ZNF536: variants seen among roughly 807,000 people sequenced by gnomAD.
The protein encoded by ZNF536 is zinc finger protein 536.
ZNF536 carries 13 observed loss-of-function variants against 84.5 expected under a neutral mutation model. The ratio of observed to expected loss-of-function variants is 0.15; its 90% CI spans 0.10 to 0.24. The LOEUF is 0.24. ZNF536 is among the 10% of genes least tolerant of loss of function. The pLI is 1.00. For missense variants in ZNF536, 1,536 were observed against 1,747.5 expected (o/e 0.88, Z 2.16); for synonymous variants, 811 against 742.5 (o/e 1.09, Z -1.50).
At chr19:30,683,130 G>A (rs1252768238) in intron 1 of ZNF536, among the ~76,000 whole-genome samples, 4 of 152,038 alleles carry the variant, frequency 2.6e-5, no homozygotes, top group Non-Finnish European at 4.4e-5. Flanking sequence ...CCGTGCCTCC[G>A]GCTGCCCTCT....
At chr19:30,236,530 G>T (rs566773597) in intron 1 of ZNF536, among the ~76,000 whole-genome samples, 1 of 89,490 alleles carries the variant, frequency 1.1e-5, no homozygotes, top group South Asian at 3.4e-4. Flanking sequence ...AAGTTGGGGC[G>T]GGGGGGGGGT....
chr19:30,243,871 G>C (rs779661295), intron 1 of ZNF536, among the ~76,000 whole-genome samples: 10 of 152,182 alleles, frequency 6.6e-5, no homozygotes, highest in Non-Finnish European at 1.5e-4. Flanking sequence ...GCATTGTGTA[G>C]GTTTTTGTCT....
At chr19:30,542,878 C>T (rs1348855447) in intron 3 of ZNF536, among the ~76,000 whole-genome samples, 1 of 152,236 alleles carries the variant, frequency 6.6e-6, no homozygotes, top group Non-Finnish European at 1.5e-5. Context: ...GTGGTGCAAT[C>T]ATAGCTCATT....
chr19:30,654,261 G>A (rs950643137), intron 1 of ZNF536, among the ~76,000 whole-genome samples: 3 of 152,164 alleles, frequency 2.0e-5, no homozygotes, highest in Admixed American at 1.3e-4. Flanking sequence ...AGGTGTGACC[G>A]CCCGGCATAG....
chr19:30,405,314 G>A (rs528605483), intron 1 of ZNF536, among the ~76,000 whole-genome samples: 2 of 152,334 alleles, frequency 1.3e-5, no homozygotes, highest in South Asian at 4.2e-4. Flanking sequence ...TCTGTTTCCT[G>A]AGGCCTAATA....
At chr19:30,666,390 C>T (rs9646646) in intron 1 of ZNF536, among the ~76,000 whole-genome samples, 2,545 of 152,278 alleles carry the variant, frequency 0.017, 30 homozygotes, top group Middle Eastern at 0.041. Context: ...CCTCCCTTTC[C>T]CTGCCTCCTC....
intron 1 of ZNF536, among the ~76,000 whole-genome samples, chr19:30,640,693 A>T (rs552949084): frequency 3.0e-4 from 45 of 152,308 alleles, no homozygotes; most frequent in African/African-American, 1.1e-3. Flanking sequence ...AGGCACAGGC[A>T]CTCCATATCC....
intron 2 of ZNF536, among the ~76,000 whole-genome samples, chr19:30,519,461 G>A (rs1390728144): frequency 1.3e-5 from 2 of 152,216 alleles, no homozygotes; most frequent in South Asian, 2.1e-4. Flanking sequence ...AGGAGAGCCT[G>A]GAGGAGCTGC....
At chr19:30,285,566 G>T (rs993698372) in intron 2 of ZNF536, among the ~76,000 whole-genome samples, 14 of 152,186 alleles carry the variant, frequency 9.2e-5, no homozygotes, top group African/African-American at 3.1e-4. Flanking sequence ...ACCTGCTTCT[G>T]TCTGCCAGTG....
chr19:30,660,275 A>G (rs2050077798), intron 1 of ZNF536, among the ~76,000 whole-genome samples: 1 of 152,164 alleles, frequency 6.6e-6, no homozygotes. Flanking sequence ...TCTCTTTACA[A>G]AAACGACTGA....
intron 1 of ZNF536, among the ~76,000 whole-genome samples, chr19:30,408,472 C>A (rs1473643312): frequency 3.3e-5 from 5 of 152,152 alleles, no homozygotes; most frequent in Non-Finnish European, 5.9e-5. Context: ...CAGGCCACAG[C>A]CTTTTCTCCA....
intron 1 of ZNF536, among the ~76,000 whole-genome samples, chr19:30,698,205 T>A (rs1204620827): frequency 6.6e-6 from 1 of 151,720 alleles, no homozygotes; most frequent in Non-Finnish European, 1.5e-5. Context: ...GTCTGGAGAA[T>A]CACTTGAACC....
chr19:30,622,136 T>G (rs1487920078), intron 1 of ZNF536, among the ~76,000 whole-genome samples: 6 of 152,298 alleles, frequency 3.9e-5, no homozygotes, highest in African/African-American at 1.4e-4. Flanking sequence ...AACTGACCCT[T>G]AGGCAGATGG....
chr19:30,247,250 G>A (rs1401219549), intron 1 of ZNF536, among the ~76,000 whole-genome samples: 1 of 152,246 alleles, frequency 6.6e-6, no homozygotes, highest in African/African-American at 2.4e-5. Context: ...CAGGGTGGAG[G>A]CAGAAATCCC....
chr19:30,527,266 T>C (rs1320687374), intron 2 of ZNF536, among the ~76,000 whole-genome samples: 1 of 146,722 alleles, frequency 6.8e-6, no homozygotes, highest in Non-Finnish European at 1.5e-5. Flanking sequence ...ATTAGCCTTT[T>C]GATGACCTAC....
At chr19:30,460,072 T>TCCC (rs549090354) in intron 2 of ZNF536, among the ~76,000 whole-genome samples, 97 of 152,290 alleles carry the variant, frequency 6.4e-4, no homozygotes, top group African/African-American at 2.1e-3. Context: ...ACACCTCACA[T>TCCC]CCCCATGCCA....
chr19:30,245,280 C>T (rs1011760296), intron 1 of ZNF536, among the ~76,000 whole-genome samples: 2 of 152,178 alleles, frequency 1.3e-5, no homozygotes, highest in Non-Finnish European at 2.9e-5. Context: ...CTGTCTTGTC[C>T]TTTTCTGTTG....
At chr19:30,700,163 T>C (rs1018701193) in intron 1 of ZNF536, among the ~76,000 whole-genome samples, 3 of 147,590 alleles carry the variant, frequency 2.0e-5, no homozygotes, top group African/African-American at 7.5e-5. Context: ...TCCTTCTTTC[T>C]TTTCTTTCCT....
At chr19:30,420,267 C>T (rs926507803) in intron 1 of ZNF536, among the ~76,000 whole-genome samples, 1 of 152,104 alleles carries the variant, frequency 6.6e-6, no homozygotes, top group African/African-American at 2.4e-5. Flanking sequence ...GCCAAAATAC[C>T]CCCAAAGAAG....
Sources: allele counts gnomAD v4.1 joint callset (sites outside exome capture counted in the v4.1 genomes callset), GRCh38; gene constraint gnomAD v4.1.1; transcripts MANE v1.5; gene names NCBI Gene and HGNC (gene_info 2026-07-23, HGNC 2026-07-21).